TAFA2: variants seen among roughly 807,000 people sequenced by gnomAD.
The protein encoded by TAFA2 is chemokine-like protein TAFA-2.
In TAFA2, 7 loss-of-function variants were observed where a neutral mutation model predicts 18.8. That is an observed-to-expected ratio of 0.37 (90% CI 0.21 to 0.70). TAFA2 has a LOEUF of 0.70. Among genes scored for constraint, TAFA2 ranks in the 30% least tolerant of loss-of-function variants. The pLI, the probability that TAFA2 is intolerant of heterozygous loss-of-function variation, is 0.53. For synonymous variants in TAFA2, 60 were observed against 54.2 expected (o/e 1.11, Z -0.47); for missense variants, 122 against 158.1 (o/e 0.77, Z 1.23).
chr12:61,846,783 A>C (rs1873422202), intron 2 of TAFA2, among the ~76,000 whole-genome samples: 1 of 152,200 alleles, frequency 6.6e-6, no homozygotes, highest in South Asian at 2.1e-4. Context: ...TGGTAGAGGT[A>C]TTTAATTTCC....
At chr12:62,103,055 C>T (rs1396015010) in intron 1 of TAFA2, among the ~76,000 whole-genome samples, 1 of 152,200 alleles carries the variant, frequency 6.6e-6, no homozygotes, top group African/African-American at 2.4e-5. Context: ...GATGTGTGAA[C>T]TCAATTTCAT....
At chr12:62,245,620 T>C (rs1169864557) in intron 1 of TAFA2, among the ~76,000 whole-genome samples, 1 of 147,884 alleles carries the variant, frequency 6.8e-6, no homozygotes, top group African/African-American at 2.5e-5. Context: ...TAAATATATA[T>C]TATACATAAA....
chr12:61,739,120 T>G (rs1288820720), intron 4 of TAFA2, among the ~76,000 whole-genome samples: 1 of 152,022 alleles, frequency 6.6e-6, no homozygotes, highest in African/African-American at 2.4e-5. Flanking sequence ...CTCCCAGATG[T>G]GGAAACTGAG....
chr12:61,748,909 T>G (rs1868866524), intron 4 of TAFA2, among the ~76,000 whole-genome samples: 1 of 152,030 alleles, frequency 6.6e-6, no homozygotes, highest in African/African-American at 2.4e-5. Flanking sequence ...ACAATATTAC[T>G]CTTAACTTAT....
chr12:61,969,435 A>G (rs537175214), intron 1 of TAFA2, among the ~76,000 whole-genome samples: 61 of 151,816 alleles, frequency 4.0e-4, no homozygotes, highest in African/African-American at 1.4e-3. Flanking sequence ...CCATTAAACT[A>G]TTTTAAAATA....
intron 1 of TAFA2, among the ~76,000 whole-genome samples, chr12:61,994,568 A>AT (rs904726864): frequency 6.6e-6 from 1 of 151,630 alleles, no homozygotes; most frequent in Non-Finnish European, 1.5e-5. Flanking sequence ...AAATACCTCC[A>AT]TTTTTTTCAT....
intron 1 of TAFA2, among the ~76,000 whole-genome samples, chr12:62,049,611 T>G (rs1340058303): frequency 6.6e-6 from 1 of 152,164 alleles, no homozygotes; most frequent in Non-Finnish European, 1.5e-5. Flanking sequence ...TGAAAAACCC[T>G]TTTTTCATAA....
At chr12:61,981,085 G>A (rs1565704199) in intron 1 of TAFA2, among the ~76,000 whole-genome samples, 1 of 152,146 alleles carries the variant, frequency 6.6e-6, no homozygotes. Flanking sequence ...AACCAAAACA[G>A]CATGGTACTT....
At chr12:61,752,077 C>T (rs890241406) in intron 4 of TAFA2, among the ~76,000 whole-genome samples, 4 of 151,984 alleles carry the variant, frequency 2.6e-5, no homozygotes, top group Admixed American at 2.0e-4. Flanking sequence ...TGAAACCTGG[C>T]TTCCTAATTA....
intron 1 of TAFA2, among the ~76,000 whole-genome samples, chr12:62,088,324 A>C (rs1868543620): frequency 6.6e-6 from 1 of 151,982 alleles, no homozygotes; most frequent in Admixed American, 6.6e-5. Context: ...AAAAAAAACA[A>C]GGCAAATTGA....
chr12:61,955,700 A>G (rs1323336014), intron 1 of TAFA2, among the ~76,000 whole-genome samples: 1 of 141,656 alleles, frequency 7.1e-6, no homozygotes, highest in Non-Finnish European at 1.5e-5. Flanking sequence ...CTGTGCAAGA[A>G]CCCAACAGTC....
intron 2 of TAFA2, among the ~76,000 whole-genome samples, chr12:61,774,092 G>GA (rs756665219): frequency 1.3e-5 from 2 of 151,814 alleles, no homozygotes; most frequent in Non-Finnish European, 2.9e-5. Flanking sequence ...ATAAAAATAT[G>GA]AAAAAATGCT....
chr12:61,868,263 A>G (rs1487909697), intron 1 of TAFA2, among the ~76,000 whole-genome samples: 1 of 152,162 alleles, frequency 6.6e-6, no homozygotes, highest in Non-Finnish European at 1.5e-5. Context: ...GGAAATTTGG[A>G]TATTTGCCTG....
At chr12:62,027,559 A>G (rs754976050) in intron 1 of TAFA2, among the ~76,000 whole-genome samples, 1 of 149,930 alleles carries the variant, frequency 6.7e-6, no homozygotes, top group Admixed American at 6.6e-5. Context: ...GGAATCCCAA[A>G]AGTCTAATGA....
chr12:61,713,976 C>G (rs892725746), intron 4 of TAFA2, among the ~76,000 whole-genome samples: 1 of 152,154 alleles, frequency 6.6e-6, no homozygotes, highest in African/African-American at 2.4e-5. Flanking sequence ...AAATAATACT[C>G]TTTCATTCAA....
chr12:61,840,686 G>C (rs1335904858), intron 2 of TAFA2, among the ~76,000 whole-genome samples: 1 of 151,984 alleles, frequency 6.6e-6, no homozygotes, highest in Non-Finnish European at 1.5e-5. Context: ...GTTAAATCAA[G>C]AGTTTACTGT....
intron 1 of TAFA2, among the ~76,000 whole-genome samples, chr12:61,905,614 T>C (rs541059570): frequency 5.3e-5 from 8 of 152,272 alleles, no homozygotes; most frequent in East Asian, 1.9e-4. Context: ...TATCACCAGA[T>C]AGATCATTGT....
intron 1 of TAFA2, among the ~76,000 whole-genome samples, chr12:62,063,880 A>ACACACG (rs764270569): frequency 6.6e-6 from 1 of 151,950 alleles, no homozygotes. Context: ...ACACACACAC[A>ACACACG]CACATGCATA....
chr12:62,227,601 T>G (rs548405044), intron 1 of TAFA2, among the ~76,000 whole-genome samples: 2 of 152,332 alleles, frequency 1.3e-5, no homozygotes, highest in Admixed American at 1.3e-4. Context: ...ATTATTTCCT[T>G]TCCTGTGTAG....
Sources: gnomAD v4.1 joint callset for allele counts (sites outside exome capture counted in the v4.1 genomes callset) on GRCh38, gnomAD v4.1.1 for gene constraint, MANE v1.5 for transcripts, NCBI Gene and HGNC (gene_info 2026-07-23, HGNC 2026-07-21) for gene names.